PLCB4: variants seen among roughly 807,000 people sequenced by gnomAD.
PLCB4 encodes the protein 1-phosphatidylinositol 4,5-bisphosphate phosphodiesterase beta-4.
PLCB4 carries 77 observed loss-of-function variants against 178.8 expected under a neutral mutation model. The ratio of observed to expected loss-of-function variants is 0.43; its 90% CI spans 0.36 to 0.52. The LOEUF (loss-of-function observed/expected upper bound fraction) is 0.52, where lower values mean the gene tolerates loss of function less well. Among genes scored for constraint, PLCB4 ranks in the 20% least tolerant of loss-of-function variants. PLCB4 has a pLI of 0.00. For missense variants in PLCB4, 1,024 were observed against 1,453.4 expected, an observed-to-expected ratio of 0.70 and a Z score of 4.80; for synonymous variants, 496 against 490.8, an observed-to-expected ratio of 1.01 and a Z score of -0.14.
intron 9 of PLCB4, 73 bp from the exon 10 acceptor site, chr20:9,371,141 A>G (rs1239649819): frequency 1.1e-6 from 1 of 922,368 alleles, no homozygotes; most frequent in Non-Finnish European, 1.8e-6. Context: ...CCATAGTAGG[A>G]CCTGGATCTT....
intron 14 of PLCB4, among the ~76,000 whole-genome samples, chr20:9,385,193 C>T (rs1455921996): frequency 6.6e-6 from 1 of 152,170 alleles, no homozygotes; most frequent in Non-Finnish European, 1.5e-5. Context: ...AATGGTGTCT[C>T]CTATGTCAAC....
chr20:9,383,582 G>A (rs747754075), intron 13 of PLCB4, among the ~76,000 whole-genome samples: 3 of 152,134 alleles, frequency 2.0e-5, no homozygotes, highest in Non-Finnish European at 2.9e-5. Context: ...GGTGGCTTTT[G>A]GGGCCACGTT....
intron 19 of PLCB4, among the ~76,000 whole-genome samples, chr20:9,396,631 G>A (rs77619863): frequency 0.027 from 4,156 of 152,212 alleles, 85 homozygotes; most frequent in Non-Finnish European, 0.037. Flanking sequence ...ACTTGTGTTG[G>A]TTATACAATG....
At chr20:9,130,653 T>C (rs1568806437) in intron 2 of PLCB4, among the ~76,000 whole-genome samples, 1 of 152,234 alleles carries the variant, frequency 6.6e-6, no homozygotes, top group Non-Finnish European at 1.5e-5. Context: ...ATTTATCTCC[T>C]TAAGTTAGGA....
intron 4 of PLCB4, among the ~76,000 whole-genome samples, chr20:9,318,922 T>G (rs2094929797): frequency 6.6e-6 from 1 of 152,214 alleles, no homozygotes; most frequent in Non-Finnish European, 1.5e-5. Flanking sequence ...CAATATTAGC[T>G]ACCTCAAGCC....
intron 2 of PLCB4, among the ~76,000 whole-genome samples, chr20:9,147,139 G>A (rs147647568): frequency 6.6e-6 from 1 of 152,132 alleles, no homozygotes; most frequent in Non-Finnish European, 1.5e-5. Flanking sequence ...GGGAGAATCC[G>A]ATTAGGGAAT....
intron 3 of PLCB4, among the ~76,000 whole-genome samples, chr20:9,278,623 G>T (rs562978030): frequency 6.6e-6 from 1 of 152,120 alleles, no homozygotes; most frequent in African/African-American, 2.4e-5. Context: ...GGTTTCATCT[G>T]ATATTACCCT....
intron 3 of PLCB4, among the ~76,000 whole-genome samples, chr20:9,299,653 C>G (rs2094681727): frequency 6.6e-6 from 1 of 151,880 alleles, no homozygotes; most frequent in African/African-American, 2.4e-5. Context: ...CTTTAAAGTA[C>G]TATTTTTAAT....
intron 34 of PLCB4, among the ~76,000 whole-genome samples, chr20:9,458,939 A>G (rs1229483591): frequency 6.6e-6 from 1 of 152,194 alleles, no homozygotes; most frequent in Non-Finnish European, 1.5e-5. Context: ...GAAATAAAAG[A>G]ACACACAGCT....
intron 9 of PLCB4, among the ~76,000 whole-genome samples, chr20:9,370,677 G>A (rs1013135440): frequency 1.3e-5 from 2 of 152,100 alleles, no homozygotes; most frequent in African/African-American, 4.8e-5. Flanking sequence ...GGAGGCCGAG[G>A]TGGGTGGATC....
intron 2 of PLCB4, among the ~76,000 whole-genome samples, chr20:9,125,851 T>C (rs1335641985): frequency 6.6e-6 from 1 of 152,162 alleles, no homozygotes; most frequent in Non-Finnish European, 1.5e-5. Flanking sequence ...CCAGGCACAA[T>C]GTGAGGCAAT....
At chr20:9,074,807 TAAACAAAACAAAACAAAACAAAACAA>T (rs2089761226) in intron 1 of PLCB4, among the ~76,000 whole-genome samples, 10 of 123,414 alleles carry the variant, frequency 8.1e-5, no homozygotes, top group Admixed American at 8.8e-5. Flanking sequence ...TTTTTTTTTT[TAAACAAAACAAAACAAAACAAAACAA>T]AACAAAACAA....
chr20:9,077,943 T>C (rs1432554842), intron 1 of PLCB4, among the ~76,000 whole-genome samples: 2 of 152,226 alleles, frequency 1.3e-5, no homozygotes, highest in Non-Finnish European at 2.9e-5. Flanking sequence ...TTTTATTTAA[T>C]GGATACTTGA....
intron 2 of PLCB4, among the ~76,000 whole-genome samples, chr20:9,115,783 A>G (rs970417952): frequency 2.8e-4 from 43 of 152,066 alleles, no homozygotes; most frequent in Non-Finnish European, 2.9e-5. Flanking sequence ...ATCCTAATGA[A>G]TACTTGCAGG....
At chr20:9,136,335 C>T (rs917060617) in intron 2 of PLCB4, among the ~76,000 whole-genome samples, 1 of 152,038 alleles carries the variant, frequency 6.6e-6, no homozygotes. Flanking sequence ...GAAAGTCAGC[C>T]AGTACAGTGT....
chr20:9,204,404 G>A (rs2093590611), intron 2 of PLCB4, among the ~76,000 whole-genome samples: 1 of 151,970 alleles, frequency 6.6e-6, no homozygotes, highest in Non-Finnish European at 1.5e-5. Context: ...TGTTGACCAG[G>A]CTGGAGTGCA....
At chr20:9,332,038 G>A (rs905576448) in intron 4 of PLCB4, among the ~76,000 whole-genome samples, 5 of 152,200 alleles carry the variant, frequency 3.3e-5, no homozygotes, top group East Asian at 3.8e-4. Flanking sequence ...GCTCTAAGGC[G>A]TGACTGATGA....
At chr20:9,301,067 C>T (rs74725406) in intron 3 of PLCB4, among the ~76,000 whole-genome samples, 3,944 of 151,390 alleles carry the variant, frequency 0.026, 157 homozygotes, top group African/African-American at 0.087. Context: ...TCTCTGCCTC[C>T]GTAGTCGCAT....
intron 29 of PLCB4, 119 bp from the exon 30 acceptor site, chr20:9,436,883 G>C: frequency 1.1e-6 from 1 of 894,336 alleles, no homozygotes; most frequent in East Asian, 2.6e-5. Context: ...GCCTTTAAGA[G>C]AGTAGAAGTC....
Sources: gnomAD v4.1 joint callset for allele counts (sites outside exome capture counted in the v4.1 genomes callset) on GRCh38, gnomAD v4.1.1 for gene constraint, MANE v1.5 for transcripts, NCBI Gene and HGNC (gene_info 2026-07-23, HGNC 2026-07-21) for gene names.